CSMD1: variants seen among roughly 807,000 people sequenced by gnomAD.
The protein encoded by CSMD1 is CUB and sushi domain-containing protein 1.
A neutral mutation model predicts 417.5 loss-of-function variants in CSMD1; 213 were observed. The observed-to-expected ratio is 0.51, with a 90% CI of 0.46 to 0.57. CSMD1 has a LOEUF of 0.57. CSMD1 is among the 20% of genes least tolerant of loss of function. The pLI, the probability that CSMD1 is intolerant of heterozygous loss-of-function variation, is 0.00. For missense variants in CSMD1, 6,923 were observed against 4,529.7 expected (o/e 1.53, Z -15.17); for synonymous variants, 2,862 against 1,736.8 (o/e 1.65, Z -16.11).
chr8:3,423,200 A>G (rs933384375), intron 12 of CSMD1, among the ~76,000 whole-genome samples: 1 of 152,232 alleles, frequency 6.6e-6, no homozygotes, highest in South Asian at 2.1e-4. Context: ...CGTCTAAATG[A>G]ACAATTTAAG....
At chr8:4,159,748 C>G (rs1009598573) in intron 3 of CSMD1, among the ~76,000 whole-genome samples, 1 of 152,164 alleles carries the variant, frequency 6.6e-6, no homozygotes, top group African/African-American at 2.4e-5. Context: ...GCCACCACGC[C>G]CGGCTAATTT....
chr8:3,615,194 G>T (rs1268822302), intron 8 of CSMD1, among the ~76,000 whole-genome samples: 3 of 152,062 alleles, frequency 2.0e-5, no homozygotes, highest in South Asian at 2.1e-4. Context: ...TCTTCCTCTG[G>T]AGAACTTCCT....
At chr8:4,234,350 C>G (rs1585069582) in intron 3 of CSMD1, among the ~76,000 whole-genome samples, 2 of 152,126 alleles carry the variant, frequency 1.3e-5, no homozygotes, top group South Asian at 4.1e-4. Context: ...GCTCCTGAAG[C>G]AGCCTCTCTG....
intron 1 of CSMD1, among the ~76,000 whole-genome samples, chr8:4,760,780 G>C (rs907289957): frequency 3.9e-5 from 6 of 152,070 alleles, no homozygotes; most frequent in African/African-American, 1.2e-4. Context: ...ACTAAATTTA[G>C]ATCTGTCAAA....
chr8:4,593,508 T>A (rs915414531), intron 2 of CSMD1, among the ~76,000 whole-genome samples: 5 of 152,196 alleles, frequency 3.3e-5, no homozygotes, highest in Non-Finnish European at 7.3e-5. Context: ...TCTTGGATTA[T>A]TTTTCAATTA....
At chr8:4,572,076 C>G (rs1798920583) in intron 2 of CSMD1, among the ~76,000 whole-genome samples, 3 of 152,158 alleles carry the variant, frequency 2.0e-5, no homozygotes, top group Admixed American at 2.0e-4. Context: ...ATTCAATTTT[C>G]CAGTCTGTGT....
At position 4,450,925 on chromosome 8, in the gene CSMD1, A is replaced by T. The variant is rs571450688; in HGVS notation, c.303-30860T>A. Among the ~76,000 whole-genome samples the T allele has an allele frequency of 1.6e-3, 239 of 152,288 alleles. 2 individuals carry two copies. Among genetic ancestry groups the T allele is most frequent in the African/African-American group, 5.6e-3 (231 of 41,562 alleles). On this transcript the variant is annotated intron_variant, in intron 2 of 69. Coordinates refer to ENST00000635120, the MANE Select transcript of CSMD1 (RefSeq NM_033225.6). ...ATTAAAATTAAATCATGGAGAGGAAAGGGCCAATAAAAGAACCCATACAAC... is the reference window on the plus strand; with the variant it reads ...ATTAAAATTAAATCATGGAGAGGAATGGGCCAATAAAAGAACCCATACAAC...
intron 2 of CSMD1, among the ~76,000 whole-genome samples, chr8:4,613,736 T>C (rs1403232382): frequency 6.6e-6 from 1 of 152,070 alleles, no homozygotes; most frequent in Non-Finnish European, 1.5e-5. Flanking sequence ...GACTGAATTC[T>C]AATTTGGATC....
chr8:4,962,712 G>A (rs1344487276), intron 1 of CSMD1, among the ~76,000 whole-genome samples: 4 of 152,306 alleles, frequency 2.6e-5, no homozygotes, highest in Middle Eastern at 3.4e-3. Flanking sequence ...CAAGATTGAT[G>A]GATGGGCAAG....
At chr8:3,971,328 G>C (rs944973075) in intron 5 of CSMD1, among the ~76,000 whole-genome samples, 1 of 152,136 alleles carries the variant, frequency 6.6e-6, no homozygotes, top group Admixed American at 6.5e-5. Flanking sequence ...GGCTGCAGCT[G>C]CCGGTTCACA....
intron 50 of CSMD1, among the ~76,000 whole-genome samples, chr8:3,044,358 G>T (rs556411103): frequency 6.8e-6 from 1 of 148,022 alleles, no homozygotes; most frequent in South Asian, 2.1e-4. Context: ...ATGTGTATAC[G>T]TTGTTCTTTA....
intron 3 of CSMD1, among the ~76,000 whole-genome samples, chr8:4,173,982 C>G (rs751589317): frequency 6.6e-6 from 1 of 152,148 alleles, no homozygotes; most frequent in Non-Finnish European, 1.5e-5. Context: ...TGACTGGAAG[C>G]AAAGGATATG....
chr8:4,226,082 A>T (rs1801335857), intron 3 of CSMD1, among the ~76,000 whole-genome samples: 1 of 149,008 alleles, frequency 6.7e-6, no homozygotes, highest in Admixed American at 6.6e-5. Context: ...ACACACACAC[A>T]CACACACACA....
intron 4 of CSMD1, among the ~76,000 whole-genome samples, chr8:4,025,087 A>T (rs1563332153): frequency 1.3e-5 from 2 of 152,160 alleles, no homozygotes; most frequent in African/African-American, 2.4e-5. Context: ...TCAGAATTGG[A>T]GCAATGGAAT....
intron 3 of CSMD1, among the ~76,000 whole-genome samples, chr8:4,203,085 T>C (rs2131261876): frequency 6.6e-6 from 1 of 152,344 alleles, no homozygotes; most frequent in South Asian, 2.1e-4. Flanking sequence ...GTGAGATGAC[T>C]TGCAGTTATC....
intron 1 of CSMD1, among the ~76,000 whole-genome samples, chr8:4,652,369 G>C (rs973180127): frequency 8.3e-6 from 1 of 119,844 alleles, no homozygotes; most frequent in Non-Finnish European, 1.7e-5. Context: ...ACAAACATAT[G>C]AGACTTCCAT....
At chr8:4,364,081 G>C (rs1175425575) in intron 3 of CSMD1, among the ~76,000 whole-genome samples, 2 of 152,164 alleles carry the variant, frequency 1.3e-5, no homozygotes, top group African/African-American at 4.8e-5. Context: ...TTAAGTGCTT[G>C]AGGGAATAGC....
intron 49 of CSMD1, among the ~76,000 whole-genome samples, chr8:3,078,813 T>C (rs1813877983): frequency 6.6e-6 from 1 of 152,158 alleles, no homozygotes. Context: ...TTCAACAACA[T>C]TCTGCTTGAC....
chr8:3,008,560 G>A (rs950672854), intron 52 of CSMD1, among the ~76,000 whole-genome samples: 19 of 152,120 alleles, frequency 1.2e-4, no homozygotes, highest in South Asian at 6.2e-4. Flanking sequence ...TTGTTTGTTC[G>A]TTTCCAGTAG....
Sources: gnomAD v4.1 joint callset for allele counts (sites outside exome capture counted in the v4.1 genomes callset) on GRCh38, gnomAD v4.1.1 for gene constraint, MANE v1.5 for transcripts, NCBI Gene and HGNC (gene_info 2026-07-23, HGNC 2026-07-21) for gene names.